MRO: variants seen among roughly 807,000 people sequenced by gnomAD.
MRO encodes the protein maestro.
A neutral mutation model predicts 31.0 loss-of-function variants in MRO; 28 were observed. That is an observed-to-expected ratio of 0.90 (90% CI 0.67 to 1.24). MRO has a LOEUF of 1.24. Ranked by LOEUF, MRO falls within the 50% of genes most tolerant of loss-of-function variation. MRO has a pLI of 0.00. For synonymous variants in MRO, 108 were observed against 108.4 expected (o/e 1.00, Z 0.02); for missense variants, 332 against 289.2 (o/e 1.15, Z -1.07).
intron 2 of MRO, among the ~76,000 whole-genome samples, chr18:50,812,277 C>G (rs1243525960): frequency 6.6e-6 from 1 of 152,126 alleles, no homozygotes; most frequent in Non-Finnish European, 1.5e-5. Context: ...TGAGGCTAAG[C>G]ATCTTTTCGT....
upstream of MRO, among the ~76,000 whole-genome samples, chr18:50,820,362 G>A (rs145815423): frequency 6.6e-6 from 1 of 152,166 alleles, no homozygotes; most frequent in East Asian, 1.9e-4. Flanking sequence ...AATTAAAACC[G>A]GGGAATTACA....
chr18:50,799,546 G>A (rs983086494), intron 7 of MRO, among the ~76,000 whole-genome samples, 156 bp from the exon 8 acceptor site: 1 of 152,178 alleles, frequency 6.6e-6, no homozygotes. Context: ...TGGAACTGCC[G>A]ATATATCTCG....
intron 5 of MRO, among the ~76,000 whole-genome samples, chr18:50,803,919 C>G (rs1052593863): frequency 6.6e-6 from 1 of 152,264 alleles, no homozygotes; most frequent in Non-Finnish European, 1.5e-5. Context: ...GGCAGGCTAA[C>G]TTGTTAGCTT....
At chr18:50,814,270 G>A (rs1410624657) in intron 2 of MRO, 5 of 146,858 alleles carry the variant, frequency 3.4e-5, no homozygotes, top group African/African-American at 1.0e-4. Context: ...ATAGCATTAA[G>A]ATTACCTTCA....
chr18:50,815,651 T>C (rs948745572), intron 2 of MRO: 2 of 355,798 alleles, frequency 5.6e-6, no homozygotes, highest in South Asian at 2.5e-5. Flanking sequence ...GGGGCAGTTT[T>C]GGTGGAAGAA....
In MRO at chr18:50,798,569, T is replaced by A. The variant is rs1325664608; in HGVS notation, c.*768A>T. 1 of 152,186 alleles carries A rather than the reference T, an allele frequency of 6.6e-6. No individual in the cohort carries two copies. Among genetic ancestry groups the A allele is most frequent in the African/African-American group, 2.4e-5 (1 of 41,428 alleles). The allele number at this position is 152,186 out of a possible 1,614,324, so 9.4% of individuals were successfully genotyped here. A position where few individuals can be genotyped will look rare whatever the true frequency, so the allele number is the denominator to read the frequency against. On this transcript the variant is annotated 3_prime_UTR_variant, in exon 8 of 8. Coordinates refer to ENST00000398439, the MANE Select transcript of MRO (RefSeq NM_031939.6). ...TGTGTTAGCTTTCTCATCTATAAAA[T>A]GAGAACAATAATAATACTTACTATC...
chr18:50,800,005 A>C, intron 7 of MRO, 31 bp downstream of exon 7: 1 of 1,529,422 alleles, frequency 6.5e-7, no homozygotes, highest in Non-Finnish European at 9.0e-7. Context: ...AGGGACCGGA[A>C]AAGAATTCTC....
intron 4 of MRO, among the ~76,000 whole-genome samples, chr18:50,805,996 T>C (rs866263261): frequency 2.6e-5 from 4 of 151,804 alleles, no homozygotes; most frequent in South Asian, 4.2e-4. Context: ...AGTCTCGCTC[T>C]GTCGCTCAGG....
At chr18:50,800,557 A>G (rs1453687906) in intron 6 of MRO, among the ~76,000 whole-genome samples, 1 of 152,238 alleles carries the variant, frequency 6.6e-6, no homozygotes, top group African/African-American at 2.4e-5. Context: ...AATTTTCTCC[A>G]AGAATAAAAC....
chr18:50,819,751 A>G, intron 1 of MRO, 49 bp from the exon 2 acceptor site: 1 of 1,548,582 alleles, frequency 6.5e-7, no homozygotes, highest in Non-Finnish European at 8.7e-7. Context: ...TCTGTCCAGG[A>G]TAACGGGTCG....
chr18:50,795,477 T>C lies in MRO; in HGVS notation c.*3860A>G, dbSNP rs1411397561. ...TCTCGCTTTCAAAACATTCTAGTGC[T>C]TTTTTATAACGTGTGAAGCGTTCCC... On this transcript the variant is annotated 3_prime_UTR_variant, in exon 8 of 8. Transcript: ENST00000398439. 1 of 152,234 alleles carries C rather than the reference T, an allele frequency of 6.6e-6. No individual in the cohort carries two copies. Among genetic ancestry groups the C allele is most frequent in the Non-Finnish European group, 1.5e-5 (1 of 68,032 alleles). 9.4% of individuals were successfully genotyped at this position (152,234 alleles called of 1,614,324 possible).
In MRO at chr18:50,819,591, T is replaced by C. The variant is rs1201599606; in HGVS notation, c.-15A>G. 2 of 1,551,652 alleles carry C rather than the reference T, an allele frequency of 1.3e-6. No individual in the cohort carries two copies. The highest frequency in any genetic ancestry group is 2.0e-5 in the Admixed American group (1 of 50,998). The stretch of plus-strand genomic sequence containing the variant: ...AACAGTGTCCCTTACCTGCGGCTCC[T>C]GCAGGCGGCTGCCACGTGATGAACC... On this transcript the variant is annotated 5_prime_UTR_variant, in exon 2 of 8. Transcript: ENST00000398439.
chr18:50,806,592 G>C (rs1342059713), intron 4 of MRO, 112 bp downstream of exon 4: 2 of 1,307,830 alleles, frequency 1.5e-6, no homozygotes, highest in Non-Finnish European at 2.1e-6. Flanking sequence ...GGTTTGTTCC[G>C]GGGTGATAGA....
chr18:50,809,062 C>T lies in MRO; in HGVS notation c.99+240G>A, dbSNP rs373581527. On this transcript the variant is annotated intron_variant, in intron 3 of 7. Transcript: ENST00000398439. The stretch of plus-strand genomic sequence containing the variant: ...CTGAGGCAGGAGAATGGCGTGAACC[C>T]GGGAAGTGGAGCTTGCAGTGAGCCC... Among the ~76,000 whole-genome samples the T allele has an allele frequency of 1.3e-4, 19 of 143,984 alleles. 2 individuals are homozygous for T. In the South Asian group the frequency reaches 3.8e-3, roughly 29 times the overall value. 94.5% of individuals were successfully genotyped at this position (143,984 alleles called of 152,430 possible).
chr18:50,803,111 T>C (rs1489846529), intron 5 of MRO, among the ~76,000 whole-genome samples: 2 of 152,098 alleles, frequency 1.3e-5, no homozygotes, highest in Non-Finnish European at 2.9e-5. Context: ...GAGTGCTATC[T>C]GTAATGGAGA....
At position 50,799,271 on chromosome 18, in the gene MRO, TA is replaced by T; in HGVS notation, c.*65del. 2 of 1,396,470 alleles carry T rather than the reference TA, an allele frequency of 1.4e-6. No individual in the cohort carries two copies. Among genetic ancestry groups the T allele is most frequent in the Middle Eastern group, 1.8e-4 (1 of 5,614 alleles). 86.5% of individuals were successfully genotyped at this position (1,396,470 alleles called of 1,614,324 possible). On this transcript the variant is annotated 3_prime_UTR_variant, in exon 8 of 8. Coordinates refer to ENST00000398439, the MANE Select transcript of MRO (RefSeq NM_031939.6). ...CAGTGAGAAGAGGCATCCAGTGAGATAAAACAGGGGAACATGATGGCTCAGC... is the reference window on the plus strand; with the variant it reads ...CAGTGAGAAGAGGCATCCAGTGAGATAAACAGGGGAACATGATGGCTCAGC...
intron 2 of MRO, among the ~76,000 whole-genome samples, chr18:50,810,042 T>C (rs1055610999): frequency 1.6e-4 from 25 of 152,286 alleles, no homozygotes; most frequent in African/African-American, 6.0e-4. Context: ...CACAGCTCAT[T>C]GCAGCTTCTA....
At position 50,800,604 on chromosome 18, in the gene MRO, G is replaced by A. The variant is rs1913200503; in HGVS notation, c.586-461C>T. ...AAGAAATTAATAAGTCATGGGTGGA[G>A]CCCAGCAAGATGGCTCACGCCTATA... On this transcript the variant is annotated intron_variant, in intron 6 of 7. Coordinates refer to ENST00000398439, the MANE Select transcript of MRO (RefSeq NM_031939.6). Among the ~76,000 whole-genome samples, 3 of 152,098 alleles carry A rather than the reference G, an allele frequency of 2.0e-5. No individual in the cohort carries two copies. The South Asian group carries it at 6.2e-4, about 32-fold the overall frequency.
At chr18:50,811,432 C>T (rs1229887648) in intron 2 of MRO, among the ~76,000 whole-genome samples, 1 of 152,190 alleles carries the variant, frequency 6.6e-6, no homozygotes, top group Non-Finnish European at 1.5e-5. Flanking sequence ...CTGAATATTT[C>T]ACATATATAG....
Sources: allele counts gnomAD v4.1 joint callset (sites outside exome capture counted in the v4.1 genomes callset), GRCh38; gene constraint gnomAD v4.1.1; transcripts MANE v1.5; gene names NCBI Gene and HGNC (gene_info 2026-07-23, HGNC 2026-07-21).